The following MYO10 variants were observed in gnomAD, a reference collection of about 807,000 sequenced individuals.
MYO10 encodes the protein unconventional myosin-X.
A neutral mutation model predicts 257.3 loss-of-function variants in MYO10; 133 were observed. That is an observed-to-expected ratio of 0.52 (90% CI 0.45 to 0.60). The LOEUF is 0.60. Among genes scored for constraint, MYO10 ranks in the 20% least tolerant of loss-of-function variants. MYO10 has a pLI of 0.00. For missense variants in MYO10, 2,399 were observed against 2,635.7 expected, an observed-to-expected ratio of 0.91 and a Z score of 1.97; for synonymous variants, 1,104 against 1,028.6, an observed-to-expected ratio of 1.07 and a Z score of -1.40.
In MYO10 at chr5:16,701,935, G is replaced by C. The variant is rs890760260; in HGVS notation, c.2557-97C>G. 1 of 1,366,574 alleles carries C rather than the reference G, an allele frequency of 7.3e-7. No individual in the cohort carries two copies. The highest frequency in any genetic ancestry group is 9.8e-7 in the Non-Finnish European group (1 of 1,019,312). The allele number at this position is 1,366,574 out of a possible 1,614,324, so 84.7% of individuals were successfully genotyped here. On this transcript the variant is annotated intron_variant, in intron 24 of 40. Coordinates refer to ENST00000513610, the MANE Select transcript of MYO10 (RefSeq NM_012334.3). The surrounding 1 kb of genome is among the most constrained non-coding windows in gnomAD (Gnocchi z 8.1). ...CCAGGATGAAATATGGTCATTATGA[G>C]TTGGACTGTGTCCCCATAAAGTCTA...
intron 4 of MYO10, among the ~76,000 whole-genome samples, chr5:16,786,891 G>A (rs531932759): frequency 4.6e-4 from 70 of 152,086 alleles, no homozygotes; most frequent in Middle Eastern, 3.4e-3. Flanking sequence ...ATTTTTGGCC[G>A]GGGGCAGTAG....
intron 11 of MYO10, 135 bp from the exon 12 acceptor site, chr5:16,764,531 C>G: frequency 5.7e-6 from 5 of 870,342 alleles, no homozygotes; most frequent in Non-Finnish European, 8.7e-6. Context: ...CAATCGATCT[C>G]ATCTAGGAAA....
chr5:16,782,267 T>C (rs1321910945), intron 5 of MYO10, among the ~76,000 whole-genome samples: 3 of 152,182 alleles, frequency 2.0e-5, no homozygotes, highest in African/African-American at 7.2e-5. Context: ...GGAGTCTGAC[T>C]AGATCAGGGG....
At chr5:16,715,392 A>ATTTTTTTTTTTTTTTTTT (rs372307063) in intron 19 of MYO10, among the ~76,000 whole-genome samples, 2 of 84,340 alleles carry the variant, frequency 2.4e-5, no homozygotes, top group Non-Finnish European at 2.1e-5. Flanking sequence ...TAAGATTGAA[A>ATTTTTTTTTTTTTTTTTT]TTTTTTTTTT....
chr5:16,900,246 T>A (rs548414983), intron 1 of MYO10, among the ~76,000 whole-genome samples: 1 of 152,192 alleles, frequency 6.6e-6, no homozygotes, highest in Non-Finnish European at 1.5e-5. Flanking sequence ...ATTAATTATA[T>A]GCCAAATAGC....
chr5:16,666,429 C>A lies in MYO10; in HGVS notation c.*263G>T. 1 of 398,132 alleles carries A rather than the reference C, an allele frequency of 2.5e-6. No individual in the cohort carries two copies. The highest frequency in any genetic ancestry group is 7.2e-5 in the South Asian group (1 of 13,892). 24.7% of individuals were successfully genotyped at this position (398,132 alleles called of 1,614,324 possible). A position where few individuals can be genotyped will look rare whatever the true frequency, so the allele number is the denominator to read the frequency against. On this transcript the variant is annotated 3_prime_UTR_variant, in exon 41 of 41. Coordinates refer to ENST00000513610, the MANE Select transcript of MYO10 (RefSeq NM_012334.3). ...GGCTGCTTTGGTGGCAGCGTGGTTC[C>A]TCCCCTCCTTTTTTAAGGCATGTGT...
chr5:16,818,779 T>C (rs1362330539), intron 2 of MYO10, among the ~76,000 whole-genome samples: 4 of 152,166 alleles, frequency 2.6e-5, no homozygotes, highest in Non-Finnish European at 5.9e-5. Flanking sequence ...ATTTTGACCA[T>C]TGCTATTAGA....
At chr5:16,684,256 T>A (rs1737140909) in intron 29 of MYO10, among the ~76,000 whole-genome samples, 2 of 152,232 alleles carry the variant, frequency 1.3e-5, no homozygotes. Context: ...TTTAATTTGT[T>A]TGTTTTTGAA....
At chr5:16,700,535 G>A (rs527910951) in intron 25 of MYO10, among the ~76,000 whole-genome samples, 7 of 152,144 alleles carry the variant, frequency 4.6e-5, no homozygotes, top group Admixed American at 6.5e-5. Context: ...AAATTAGACC[G>A]GTGTGCTGGC....
At chr5:16,869,617 C>A (rs1057045869) in intron 2 of MYO10, among the ~76,000 whole-genome samples, 2 of 151,966 alleles carry the variant, frequency 1.3e-5, no homozygotes, top group Non-Finnish European at 2.9e-5. Context: ...GTAATCCCAG[C>A]ACTTTGGGAA....
chr5:16,675,244 G>T, intron 34 of MYO10, 94 bp from the exon 35 acceptor site: 1 of 1,313,176 alleles, frequency 7.6e-7, no homozygotes, highest in Non-Finnish European at 1.1e-6. Flanking sequence ...AGGAATAAAT[G>T]AGGAGGACGG....
chr5:16,765,858 C>G (rs1174543478), intron 11 of MYO10, among the ~76,000 whole-genome samples: 1 of 152,172 alleles, frequency 6.6e-6, no homozygotes, highest in Admixed American at 6.5e-5. Context: ...TCTTAAACAA[C>G]AATTCGATGT....
At chr5:16,757,895 G>A (rs745595699) in intron 18 of MYO10, among the ~76,000 whole-genome samples, 16 of 152,200 alleles carry the variant, frequency 1.1e-4, no homozygotes, top group Non-Finnish European at 2.2e-4. Flanking sequence ...GAACCCCTGA[G>A]CTCAGGTGAT....
chr5:16,892,915 G>A (rs541923262), intron 1 of MYO10, among the ~76,000 whole-genome samples: 2 of 152,168 alleles, frequency 1.3e-5, no homozygotes, highest in African/African-American at 4.8e-5. Context: ...GAACTTACAG[G>A]CCAGGCACGG....
chr5:16,821,090 T>C (rs1742788838), intron 2 of MYO10, among the ~76,000 whole-genome samples: 2 of 147,344 alleles, frequency 1.4e-5, no homozygotes. Flanking sequence ...TATATACATA[T>C]AATGTATAAT....
chr5:16,837,774 G>A (rs773454706), intron 2 of MYO10, among the ~76,000 whole-genome samples: 12 of 152,084 alleles, frequency 7.9e-5, no homozygotes, highest in Non-Finnish European at 1.3e-4. Context: ...GGCACACCTC[G>A]TTTAATTCAC....
intron 19 of MYO10, among the ~76,000 whole-genome samples, chr5:16,729,413 C>T (rs1472429286): frequency 6.6e-6 from 1 of 151,966 alleles, no homozygotes; most frequent in Non-Finnish European, 1.5e-5. Flanking sequence ...TTTCTCTCTA[C>T]CTTCACCCCT....
intron 19 of MYO10, among the ~76,000 whole-genome samples, chr5:16,752,202 G>A (rs192976950): frequency 6.6e-6 from 1 of 152,288 alleles, no homozygotes; most frequent in East Asian, 1.9e-4. Context: ...TTCACACCAC[G>A]AAGAATGGGA....
intron 2 of MYO10, among the ~76,000 whole-genome samples, chr5:16,857,528 G>A (rs1313700309): frequency 1.3e-5 from 2 of 152,154 alleles, no homozygotes; most frequent in Admixed American, 6.5e-5. Flanking sequence ...GCAGCACCTG[G>A]GGACTTGTTA....
Sources: gnomAD v4.1 joint callset for allele counts (sites outside exome capture counted in the v4.1 genomes callset) on GRCh38, gnomAD v4.1.1 for gene constraint, Gnocchi (gnomAD v3.1) non-coding constraint, MANE v1.5 for transcripts, NCBI Gene and HGNC (gene_info 2026-07-23, HGNC 2026-07-21) for gene names.